FERMT2: variants seen among roughly 807,000 people sequenced by gnomAD.
FERMT2 encodes the protein FERM domain containing kindlin 2.
In FERMT2, 15 loss-of-function variants were observed where a neutral mutation model predicts 82.7. The observed-to-expected ratio is 0.18, with a 90% CI of 0.12 to 0.28. The LOEUF (loss-of-function observed/expected upper bound fraction) is 0.28. Ranked by LOEUF, FERMT2 falls within the 10% of genes least tolerant of loss-of-function variation. The pLI, the probability that FERMT2 is intolerant of heterozygous loss-of-function variation, is 1.00. For synonymous variants in FERMT2, 274 were observed against 271.5 expected, an observed-to-expected ratio of 1.01 and a Z score of -0.09; for missense variants, 645 against 809.4, an observed-to-expected ratio of 0.80 and a Z score of 2.46.
intron 3 of FERMT2, among the ~76,000 whole-genome samples, chr14:52,894,022 T>C (rs182499319): frequency 6.6e-6 from 1 of 152,252 alleles, no homozygotes; most frequent in East Asian, 1.9e-4. Context: ...GAGACAGGGT[T>C]TCTCCATGTT....
At chr14:52,889,877 G>C (rs781152589) in intron 4 of FERMT2, among the ~76,000 whole-genome samples, 8 of 152,096 alleles carry the variant, frequency 5.3e-5, no homozygotes, top group Admixed American at 2.6e-4. Flanking sequence ...GCTTGTAATC[G>C]CAACACTTTG....
At chr14:52,859,789 G>T in intron 13 of FERMT2, 75 bp from the exon 14 acceptor site, 3 of 845,080 alleles carry the variant, frequency 3.5e-6, no homozygotes, top group Non-Finnish European at 5.4e-6. Flanking sequence ...TTCAAGATAA[G>T]TGTTCTCTCT....
intron 2 of FERMT2, chr14:52,948,694 T>C: frequency 2.4e-6 from 1 of 417,804 alleles, no homozygotes; most frequent in Non-Finnish European, 4.7e-6. Context: ...TTACTGTGAT[T>C]CTATAATAAA....
intron 2 of FERMT2, among the ~76,000 whole-genome samples, chr14:52,939,322 G>C (rs1889989366): frequency 6.9e-6 from 1 of 144,234 alleles, no homozygotes; most frequent in South Asian, 2.2e-4. Context: ...GCAGTGAGCT[G>C]ACAGCACATC....
intron 2 of FERMT2, chr14:52,928,263 TA>T (rs1889393660): frequency 4.9e-6 from 1 of 204,366 alleles, no homozygotes; most frequent in Non-Finnish European, 1.1e-5. Context: ...TAAGCACAGA[TA>T]ACTTTTCTGG....
At chr14:52,884,623 C>G (rs1886481763) in intron 4 of FERMT2, among the ~76,000 whole-genome samples, 1 of 151,348 alleles carries the variant, frequency 6.6e-6, no homozygotes, top group Admixed American at 6.6e-5. Context: ...ACAAAAAAAC[C>G]CCAGCCAGTC....
At chr14:52,866,328 T>C (rs1885276846) in intron 10 of FERMT2, among the ~76,000 whole-genome samples, 1 of 152,076 alleles carries the variant, frequency 6.6e-6, no homozygotes, top group Admixed American at 6.5e-5. Context: ...CCAATTCTGG[T>C]CACAATCTCT....
chr14:52,911,062 A>C (rs1483112830), intron 3 of FERMT2, among the ~76,000 whole-genome samples: 1 of 152,194 alleles, frequency 6.6e-6, no homozygotes, highest in African/African-American at 2.4e-5. Flanking sequence ...GTGAAAAAAG[A>C]AAAAAATAAA....
chr14:52,926,372 T>A (rs559090588), intron 2 of FERMT2, among the ~76,000 whole-genome samples: 1 of 151,646 alleles, frequency 6.6e-6, no homozygotes, highest in East Asian at 1.9e-4. Context: ...ATTTCCAGAA[T>A]GGCAGGCTTG....
rs1594941515 is a variant in FERMT2, at chr14:52,878,754, G to A, written c.856-65C>T. On this transcript the variant is annotated intron_variant, in intron 6 of 14. Transcript: ENST00000341590. ...TTACCATTGAAAAATTTCAAACTCTGAATATTCAATTGACAAGAAAAATTT... is the reference window on the plus strand; with the variant it reads ...TTACCATTGAAAAATTTCAAACTCTAAATATTCAATTGACAAGAAAAATTT... The A allele has an allele frequency of 2.5e-5, 20 of 792,126 alleles. No individual in the cohort carries two copies. In the East Asian group the frequency reaches 5.8e-4, roughly 23 times the overall value. The allele number at this position is 792,126 out of a possible 1,614,324, so 49.1% of individuals were successfully genotyped here.
At chr14:52,871,107 T>C (rs986254283) in intron 10 of FERMT2, among the ~76,000 whole-genome samples, 16 of 152,188 alleles carry the variant, frequency 1.1e-4, no homozygotes, top group Admixed American at 3.3e-4. Flanking sequence ...CAGGAGACTA[T>C]GGCTGCAGGT....
chr14:52,926,225 C>T (rs962802520), intron 2 of FERMT2, among the ~76,000 whole-genome samples: 1 of 152,120 alleles, frequency 6.6e-6, no homozygotes, highest in Admixed American at 6.6e-5. Context: ...TTCCATGTGG[C>T]ATCAAAATCC....
chr14:52,903,893 G>A (rs189019103), intron 3 of FERMT2, among the ~76,000 whole-genome samples: 64 of 152,242 alleles, frequency 4.2e-4, no homozygotes, highest in Admixed American at 3.9e-4. Context: ...ATTCACCCCA[G>A]AGTGCAAGAG....
At chr14:52,866,971 G>A (rs1885322256) in intron 10 of FERMT2, among the ~76,000 whole-genome samples, 1 of 151,696 alleles carries the variant, frequency 6.6e-6, no homozygotes, top group South Asian at 2.1e-4. Flanking sequence ...TCTTTCTACT[G>A]CCACATTTCC....
chr14:52,890,452 A>C (rs1313932622), intron 4 of FERMT2, among the ~76,000 whole-genome samples: 2 of 151,516 alleles, frequency 1.3e-5, no homozygotes, highest in Non-Finnish European at 2.9e-5. Context: ...CTGAAAAAAA[A>C]AAAAAAGAAA....
chr14:52,869,211 C>A (rs1885463799), intron 10 of FERMT2, among the ~76,000 whole-genome samples: 1 of 152,120 alleles, frequency 6.6e-6, no homozygotes, highest in South Asian at 2.1e-4. Context: ...ACGCCCGTGA[C>A]TGAGAGAGGA....
chr14:52,932,047 A>T (rs936476794), intron 2 of FERMT2, among the ~76,000 whole-genome samples: 2 of 152,238 alleles, frequency 1.3e-5, no homozygotes, highest in African/African-American at 4.8e-5. Flanking sequence ...AAAAGAAAAA[A>T]ATGTTAAAAG....
intron 2 of FERMT2, among the ~76,000 whole-genome samples, chr14:52,939,808 T>A (rs1639084340): frequency 6.6e-6 from 1 of 152,220 alleles, no homozygotes; most frequent in Non-Finnish European, 1.5e-5. Flanking sequence ...CATCTGCTTT[T>A]TTCAAGTTAT....
chr14:52,896,097 C>T (rs1319363903), intron 3 of FERMT2, among the ~76,000 whole-genome samples: 3 of 152,170 alleles, frequency 2.0e-5, no homozygotes, highest in Non-Finnish European at 2.9e-5. Flanking sequence ...TATGATGTTA[C>T]AAAAGCTACA....
Sources: gnomAD v4.1 joint callset for allele counts (sites outside exome capture counted in the v4.1 genomes callset) on GRCh38, gnomAD v4.1.1 for gene constraint, MANE v1.5 for transcripts, NCBI Gene and HGNC (gene_info 2026-07-23, HGNC 2026-07-21) for gene names.